Variants in CENPK observed in about 807,000 individuals in gnomAD.
CENPK encodes centromere protein K, also known as SoxLZ/Sox6-binding protein Solt.
CENPK carries 46 observed loss-of-function variants against 40.9 expected under a neutral mutation model. The observed-to-expected ratio is 1.13, with a 90% confidence interval of 0.89 to 1.44. The LOEUF (loss-of-function observed/expected upper bound fraction) is 1.44. CENPK is among the 40% of genes most tolerant of loss of function. The pLI is 0.00. For missense variants in CENPK, 288 were observed against 303.5 expected (o/e 0.95, Z 0.38); for synonymous variants, 107 against 104.4 (o/e 1.02, Z -0.15).
the CENPK span, among the ~76,000 whole-genome samples, chr5:65,506,784 C>CAA: frequency 2.2e-5 from 3 of 133,640 alleles, no homozygotes; most frequent in African/African-American, 2.8e-5. Flanking sequence ...CACTTGGTCT[C>CAA]AAAAAAAAAA....
chr5:65,538,648 C>T lies in CENPK; in HGVS notation c.288+4154G>A, dbSNP rs1377556058. ...AAATAAAATAAAAAACTAGGGACCT[C>T]TGCAGACAGAGCGATGGAGGGAACT... On this transcript the variant is annotated intron_variant, in intron 6 of 10. Transcript: ENST00000396679. Among the ~76,000 whole-genome samples the T allele has an allele frequency of 2.6e-5, 4 of 152,192 alleles. No homozygotes were observed. In the South Asian group the frequency reaches 8.3e-4, roughly 32 times the overall value.
rs543527588 is a variant in CENPK at position 65,534,719 on chromosome 5, T to TA, written c.289-5521dup. ...CGATATCACTAACTCATACTATATA[T>TA]ACATAAACATTAACTCAAAATGGAT... On this transcript the variant is annotated intron_variant, in intron 6 of 10. Transcript: ENST00000396679. 5.3e-5 allele frequency among the ~76,000 whole-genome samples: 8 copies of TA among 152,258 alleles called. No homozygotes were observed. The South Asian group carries it at 1.4e-3, about 28-fold the overall frequency.
At chr5:65,499,660 T>A in the CENPK span, among the ~76,000 whole-genome samples, 9 of 96,978 alleles carry the variant, frequency 9.3e-5, no homozygotes, top group East Asian at 4.3e-4. Context: ...TCTTTTTTTT[T>A]TTTTTAATTT....
intron 9 of CENPK, among the ~76,000 whole-genome samples, chr5:65,523,572 G>A (rs933805029): frequency 6.6e-6 from 1 of 152,174 alleles, no homozygotes; most frequent in African/African-American, 2.4e-5. Context: ...TGGTATAAAT[G>A]AGCATACGAT....
chr5:65,531,797 C>T (rs987548904), intron 6 of CENPK, among the ~76,000 whole-genome samples: 19 of 151,960 alleles, frequency 1.3e-4, no homozygotes, highest in African/African-American at 2.2e-4. Context: ...CCACTGCGCC[C>T]GGCCTAAAAG....
chr5:65,506,167 T>G, the CENPK span, among the ~76,000 whole-genome samples: 2 of 151,742 alleles, frequency 1.3e-5, no homozygotes, highest in African/African-American at 2.4e-5. Context: ...GAGAATGTCT[T>G]GAGACCAAGA....
chr5:65,560,711 A>C (rs1397942605), intron 2 of CENPK, among the ~76,000 whole-genome samples: 1 of 152,228 alleles, frequency 6.6e-6, no homozygotes, highest in Non-Finnish European at 1.5e-5. Flanking sequence ...ATAATGTAAA[A>C]TTGGTAAGAG....
the CENPK span, among the ~76,000 whole-genome samples, chr5:65,505,008 C>A: frequency 1.6e-4 from 24 of 152,284 alleles, no homozygotes; most frequent in Non-Finnish European, 3.4e-4. Flanking sequence ...TAGTTAGCTG[C>A]AACCTTGAAC....
the CENPK span, among the ~76,000 whole-genome samples, chr5:65,498,850 G>T: frequency 6.6e-6 from 1 of 151,660 alleles, no homozygotes; most frequent in South Asian, 2.1e-4. Flanking sequence ...ACAGAGTCTC[G>T]CCATGTTGCC....
chr5:65,516,738 GATAAACA>G (rs999828212), downstream of CENPK, among the ~76,000 whole-genome samples: 1 of 151,770 alleles, frequency 6.6e-6, no homozygotes, highest in African/African-American at 2.4e-5. Flanking sequence ...AAAGTTGTAG[GATAAACA>G]ATAAACTAGG....
chr5:65,547,061 T>A (rs1749129590), intron 5 of CENPK, among the ~76,000 whole-genome samples: 1 of 152,132 alleles, frequency 6.6e-6, no homozygotes, highest in Non-Finnish European at 1.5e-5. Flanking sequence ...GATATAATGC[T>A]GGTATAGCTT....
intron 6 of CENPK, among the ~76,000 whole-genome samples, chr5:65,540,508 T>TA (rs568101972): frequency 3.2e-4 from 49 of 152,164 alleles, no homozygotes; most frequent in Admixed American, 9.8e-4. Flanking sequence ...GGGCTGGTCA[T>TA]AAAAAAAGAC....
Position 65,518,532 on chromosome 5 carries a change from A to C in CENPK, c.753T>G (p.Ile251Met). The change falls in exon 11 of 11, where the codon ATT (isoleucine) becomes ATG (methionine). Residue 251 changes from isoleucine to methionine, a missense_variant. Transcript: ENST00000396679. ...PYVELLLRNGIALRHPEDPTR... is the reference protein window; with the variant it reads ...PYVELLLRNGMALRHPEDPTR... ...TTGGATCTTCTGGATGTCTCAAGGC[A>C]ATTCCATTACGCAGCAGCAGCTCAA... 3 of 1,613,556 alleles carry C rather than the reference A, an allele frequency of 1.9e-6. No homozygotes were observed. In the Middle Eastern group the frequency reaches 5.0e-4, roughly 266 times the overall value.
In CENPK at chr5:65,552,535, T is replaced by C. The variant is rs1448020199; in HGVS notation, c.126A>G (p.Leu42=). ...TGAGTGTTTCAGTTCCAATAAGTGA[T>C]AATTTATTCTGACACTTGATTTAAA... ...WKDMEECQNK[L]SLIGTETLTD... The change falls in exon 4 of 11, where the codon TTA becomes TTG. Residue 42 remains leucine (L), a synonymous_variant. Transcript: ENST00000396679. 1.3e-6 allele frequency: 2 copies of C among 1,539,754 alleles called. No individual in the cohort carries two copies. Among genetic ancestry groups the C allele is most frequent in the Non-Finnish European group, 8.7e-7 (1 of 1,143,606 alleles).
At chr5:65,501,180 T>G in the CENPK span, among the ~76,000 whole-genome samples, 5 of 133,322 alleles carry the variant, frequency 3.8e-5, no homozygotes, top group South Asian at 2.7e-4. Context: ...GTTTGTTTTT[T>G]TTTTTTTTTT....
chr5:65,559,357 C>T (rs1396675559), intron 2 of CENPK, among the ~76,000 whole-genome samples: 1 of 152,134 alleles, frequency 6.6e-6, no homozygotes, highest in Non-Finnish European at 1.5e-5. Flanking sequence ...GGGCCGGGCG[C>T]GGTGGCTCAC....
At chr5:65,550,174 CAAAAAA>C (rs56732964) in intron 5 of CENPK, among the ~76,000 whole-genome samples, 9 of 59,514 alleles carry the variant, frequency 1.5e-4, no homozygotes, top group African/African-American at 5.5e-4. Flanking sequence ...GACTCCATCT[CAAAAAA>C]AAAAAAAAAA....
intron 5 of CENPK, among the ~76,000 whole-genome samples, chr5:65,547,912 C>T (rs1749308785): frequency 6.6e-6 from 1 of 152,154 alleles, no homozygotes; most frequent in African/African-American, 2.4e-5. Flanking sequence ...GATCCACCCG[C>T]CTCGGTCTCC....
chr5:65,546,993 G>A (rs193287071), intron 5 of CENPK, among the ~76,000 whole-genome samples: 1 of 152,270 alleles, frequency 6.6e-6, no homozygotes, highest in African/African-American at 2.4e-5. Flanking sequence ...GTCCTCTGGA[G>A]AATATGAACA....
Sources: gnomAD v4.1 joint callset for allele counts (sites outside exome capture counted in the v4.1 genomes callset) on GRCh38, gnomAD v4.1.1 for gene constraint, MANE v1.5 for transcripts, NCBI Gene and HGNC (gene_info 2026-07-23, HGNC 2026-07-21) for gene names.